Variants in KSR2 observed in about 807,000 individuals in gnomAD.
The protein encoded by KSR2 is kinase suppressor of ras 2.
KSR2 carries 25 observed loss-of-function variants against 107.8 expected under a neutral mutation model. The ratio of observed to expected loss-of-function variants is 0.23; its 90% CI spans 0.17 to 0.32. The LOEUF is 0.32. Ranked by LOEUF, KSR2 falls within the 10% of genes least tolerant of loss-of-function variation. KSR2 has a pLI of 1.00. For synonymous variants in KSR2, 480 were observed against 507.0 expected, an observed-to-expected ratio of 0.95 and a Z score of 0.71; for missense variants, 887 against 1,268.9, an observed-to-expected ratio of 0.70 and a Z score of 4.57.
At chr12:117,485,728 C>T (rs376720195) in intron 14 of KSR2, 37 bp from the exon 15 acceptor site, 46 of 1,444,064 alleles carry the variant, frequency 3.2e-5, no homozygotes, top group African/African-American at 2.4e-4. Context: ...TAATGGCAGT[C>T]GTTCAGAAGA....
At chr12:117,692,381 C>T (rs1035986888) in intron 4 of KSR2, among the ~76,000 whole-genome samples, 1 of 147,398 alleles carries the variant, frequency 6.8e-6, no homozygotes, top group African/African-American at 2.5e-5. Flanking sequence ...GTGCAGCTGG[C>T]GTGAAATAGT....
At chr12:117,681,627 T>C (rs1409508361) in intron 4 of KSR2, among the ~76,000 whole-genome samples, 1 of 152,120 alleles carries the variant, frequency 6.6e-6, no homozygotes, top group East Asian at 1.9e-4. Context: ...TTGGAGGACT[T>C]TAAGAAGGAA....
rs75442711 is a variant in KSR2 at position 117,849,068 on chromosome 12, T to C, written c.472+6360A>G. 6.9e-4 allele frequency among the ~76,000 whole-genome samples: 105 copies of C among 152,276 alleles called. 1 individual carries two copies. In the East Asian group the frequency reaches 0.019, roughly 27 times the overall value. ...AGCCAGAACTTAAACCCAAGTTTGT[T>C]GGACTCCAGATTCCATACTCCTAGA... On this transcript the variant is annotated intron_variant, in intron 3 of 19. Coordinates refer to ENST00000339824, the MANE Select transcript of KSR2 (RefSeq NM_173598.6).
At chr12:117,857,848 T>G (rs1234263788) in intron 2 of KSR2, among the ~76,000 whole-genome samples, 2 of 152,144 alleles carry the variant, frequency 1.3e-5, no homozygotes, top group Admixed American at 1.3e-4. Flanking sequence ...TTCAGTCACT[T>G]CACAGAAAGG....
intron 5 of KSR2, among the ~76,000 whole-genome samples, chr12:117,634,712 C>T (rs1882978389): frequency 2.6e-5 from 4 of 152,122 alleles, no homozygotes; most frequent in Admixed American, 2.6e-4. Flanking sequence ...TTCAGAACTC[C>T]AGAGATGACT....
chr12:117,768,919 A>T (rs1161783757), intron 3 of KSR2, among the ~76,000 whole-genome samples: 4 of 152,136 alleles, frequency 2.6e-5, no homozygotes, highest in Non-Finnish European at 4.4e-5. Flanking sequence ...TCTTCACCTG[A>T]CCCATAACCA....
In KSR2 at chr12:117,937,688, G is replaced by A. The variant is rs1206895647; in HGVS notation, c.180+30388C>T. On this transcript the variant is annotated intron_variant, in intron 1 of 19. Transcript: ENST00000339824. ...TCCAGATGAGCCTGAGCCAGGCACA[G>A]TGGCTCACCCCTGTAATCCCAGCAC... Among the ~76,000 whole-genome samples the A allele has an allele frequency of 2.0e-5, 3 of 151,830 alleles. No individual in the cohort carries two copies. In the East Asian group the frequency reaches 5.8e-4, roughly 29 times the overall value.
intron 5 of KSR2, among the ~76,000 whole-genome samples, chr12:117,586,661 A>G (rs199883085): frequency 7.5e-5 from 5 of 66,980 alleles, no homozygotes; most frequent in Non-Finnish European, 1.2e-4. Flanking sequence ...AAGAAAGAAA[A>G]ATATAGTAAA....
rs374897935 is a variant in KSR2, at chr12:117,770,262, G to A, written c.473-8738C>T. Among the ~76,000 whole-genome samples, 40 of 152,234 alleles carry A rather than the reference G, an allele frequency of 2.6e-4. No homozygotes were observed. In the East Asian group the frequency reaches 5.4e-3, roughly 21 times the overall value. Reference sequence around the variant, plus strand: ...GGATGCATCCTAAGTCCAATGGTTTGTGTCCTTATAAGACGAGGAGAAGAC... The same window carrying A: ...GGATGCATCCTAAGTCCAATGGTTTATGTCCTTATAAGACGAGGAGAAGAC... On this transcript the variant is annotated intron_variant, in intron 3 of 19. Coordinates refer to ENST00000339824, the MANE Select transcript of KSR2 (RefSeq NM_173598.6).
At chr12:117,657,161 TAC>T (rs1013084020) in intron 5 of KSR2, among the ~76,000 whole-genome samples, 1 of 151,732 alleles carries the variant, frequency 6.6e-6, no homozygotes, top group Non-Finnish European at 1.5e-5. Flanking sequence ...CAGAGATGAG[TAC>T]ACAGTCAAGC....
rs562303628 is a variant in KSR2, at chr12:117,860,562, T to G, written c.181-131A>C. 5.8e-6 allele frequency: 5 copies of G among 865,422 alleles called. No individual in the cohort carries two copies. The East Asian group carries it at 1.4e-4, about 23-fold the overall frequency. The allele number at this position is 865,422 out of a possible 1,614,324, so 53.6% of individuals were successfully genotyped here. On this transcript the variant is annotated intron_variant, in intron 1 of 19. Coordinates refer to ENST00000339824, the MANE Select transcript of KSR2 (RefSeq NM_173598.6). ...ATTTTAAAGACTGGTTCCGCTACAG[T>G]GAGATCCAGTTTGGCACCCATCTTT...
chr12:117,639,173 T>C (rs550426635), intron 5 of KSR2, among the ~76,000 whole-genome samples: 89 of 152,244 alleles, frequency 5.8e-4, no homozygotes, highest in African/African-American at 1.7e-3. Context: ...AAATTTTGCA[T>C]CCAAGGCAAG....
intron 1 of KSR2, among the ~76,000 whole-genome samples, chr12:117,876,402 C>CA: frequency 6.6e-6 from 1 of 152,364 alleles, no homozygotes; most frequent in Non-Finnish European, 1.5e-5. Context: ...AGGGACCCAA[C>CA]AGTCTGGGGC....
intron 3 of KSR2, among the ~76,000 whole-genome samples, chr12:117,829,823 G>A (rs533790193): frequency 1.6e-4 from 24 of 152,308 alleles, no homozygotes; most frequent in Admixed American, 1.3e-4. Flanking sequence ...TAGTTCACTG[G>A]CTCCTGGATT....
At chr12:117,928,683 C>G (rs1283486637) in intron 1 of KSR2, among the ~76,000 whole-genome samples, 1 of 152,196 alleles carries the variant, frequency 6.6e-6, no homozygotes, top group Non-Finnish European at 1.5e-5. Context: ...GGTATATACC[C>G]AGAAGCAGAA....
intron 3 of KSR2, among the ~76,000 whole-genome samples, chr12:117,766,447 A>AGTTCC (rs1414901245): frequency 6.6e-6 from 1 of 152,164 alleles, no homozygotes; most frequent in Non-Finnish European, 1.5e-5. Context: ...GGGGGTGATG[A>AGTTCC]AATAGGTTTG....
intron 14 of KSR2, among the ~76,000 whole-genome samples, chr12:117,493,193 T>C (rs1872838156): frequency 6.6e-6 from 1 of 152,158 alleles, no homozygotes; most frequent in Non-Finnish European, 1.5e-5. Flanking sequence ...ATGAATATTA[T>C]TGCTAATAAT....
At position 117,555,255 on chromosome 12, in the gene KSR2, C is replaced by T; in HGVS notation, c.1432G>A (p.Asp478Asn). ...RLVRTESVPC[D>N]INNPLRKPPR... is the part of the protein sequence containing the mutation. The stretch of plus-strand genomic sequence containing the variant: ...GGCTTCCGTAGAGGGTTGTTGATGT[C>T]ACACGGAACGGACTCTGTCCGGACT... Residue 478 changes from aspartate (D) to asparagine (N), a missense_variant, in exon 9 of 20, where the codon GAC (aspartate) becomes AAC (asparagine). This residue lies in a region of KSR2 where 60 missense variants were observed against 77.5 expected (regional missense o/e 0.77). Coordinates refer to ENST00000339824, the MANE Select transcript of KSR2 (RefSeq NM_173598.6). 1 of 1,613,934 alleles carries T rather than the reference C, an allele frequency of 6.2e-7. No individual in the cohort carries two copies. Among genetic ancestry groups the T allele is most frequent in the Non-Finnish European group, 8.5e-7 (1 of 1,179,838 alleles).
chr12:117,707,030 G>A (rs944894191), intron 4 of KSR2, among the ~76,000 whole-genome samples: 1 of 152,154 alleles, frequency 6.6e-6, no homozygotes, highest in African/African-American at 2.4e-5. Flanking sequence ...ATGTATATTT[G>A]TGTGTGTGTG....
Sources: allele counts gnomAD v4.1 joint callset (sites outside exome capture counted in the v4.1 genomes callset), GRCh38; gene constraint gnomAD v4.1.1; regional missense constraint gnomAD v4.1.1; transcripts MANE v1.5; gene names NCBI Gene and HGNC (gene_info 2026-07-23, HGNC 2026-07-21).